DLG2: variants seen among roughly 807,000 people sequenced by gnomAD.
DLG2 encodes disks large homolog 2.
In DLG2, 45 loss-of-function variants were observed where a neutral mutation model predicts 132.5. The ratio of observed to expected loss-of-function variants is 0.34; its 90% CI spans 0.27 to 0.44. The LOEUF is 0.44. Among genes scored for constraint, DLG2 ranks in the 20% least tolerant of loss-of-function variants. The probability of loss-of-function intolerance (pLI) is 1.00; values close to 1 mark genes in which losing one functional copy is unlikely to be tolerated. For missense variants in DLG2, 1,045 were observed against 1,196.9 expected, an observed-to-expected ratio of 0.87 and a Z score of 1.87; for synonymous variants, 424 against 419.6, an observed-to-expected ratio of 1.01 and a Z score of -0.13.
intron 18 of DLG2, among the ~76,000 whole-genome samples, chr11:83,688,770 C>A (rs2153613335): frequency 6.6e-6 from 1 of 152,274 alleles, no homozygotes; most frequent in South Asian, 2.1e-4. Flanking sequence ...AGCCTTCCTA[C>A]ATATAAGAGT....
chr11:83,887,963 G>A (rs56307559), intron 15 of DLG2, among the ~76,000 whole-genome samples: 4,908 of 138,194 alleles, frequency 0.036, 239 homozygotes, highest in Middle Eastern at 0.096. Flanking sequence ...AATAATAAGA[G>A]CTATCTATGA....
chr11:84,044,611 A>G (rs186258920), intron 11 of DLG2, among the ~76,000 whole-genome samples: 22 of 151,746 alleles, frequency 1.4e-4, no homozygotes, highest in African/African-American at 5.1e-4. Flanking sequence ...AGCTTTTGAG[A>G]TTTTGTTAAA....
chr11:84,848,879 G>A (rs958229168), intron 6 of DLG2, among the ~76,000 whole-genome samples: 18 of 152,232 alleles, frequency 1.2e-4, no homozygotes, highest in African/African-American at 2.4e-5. Context: ...ACCCTTATGC[G>A]GTCCCTTTTT....
At chr11:84,280,720 C>T (rs372660516) in intron 7 of DLG2, among the ~76,000 whole-genome samples, 44 of 151,852 alleles carry the variant, frequency 2.9e-4, no homozygotes, top group African/African-American at 8.2e-4. Context: ...TTTTTTGAGA[C>T]GGAGTCTCAC....
intron 10 of DLG2, among the ~76,000 whole-genome samples, chr11:84,086,175 T>C (rs565330356): frequency 6.6e-6 from 1 of 152,286 alleles, no homozygotes; most frequent in African/African-American, 2.4e-5. Flanking sequence ...TTTAACAGAT[T>C]CAAGAACTTG....
chr11:83,576,103 T>C (rs530791974), intron 19 of DLG2, among the ~76,000 whole-genome samples: 3 of 152,082 alleles, frequency 2.0e-5, no homozygotes, highest in African/African-American at 4.8e-5. Context: ...AACTACAATG[T>C]TGAAAATGAA....
intron 19 of DLG2, among the ~76,000 whole-genome samples, chr11:83,596,968 G>T (rs576024497): frequency 6.6e-6 from 1 of 152,178 alleles, no homozygotes; most frequent in East Asian, 1.9e-4. Flanking sequence ...ACTGTCATCA[G>T]ATTTTTACCG....
At chr11:85,026,694 G>A (rs7122891) in intron 6 of DLG2, among the ~76,000 whole-genome samples, 2,978 of 151,934 alleles carry the variant, frequency 0.02, 108 homozygotes, top group African/African-American at 0.067. Context: ...CAAATTAGCC[G>A]GGCGTGGTGG....
At chr11:84,072,415 T>G (rs1442480881) in intron 10 of DLG2, among the ~76,000 whole-genome samples, 3 of 152,160 alleles carry the variant, frequency 2.0e-5, no homozygotes, top group African/African-American at 7.2e-5. Context: ...GCAAGAGAGA[T>G]AGGAAAAATG....
chr11:85,417,997 T>C (rs1196348153), intron 3 of DLG2, among the ~76,000 whole-genome samples: 1 of 152,156 alleles, frequency 6.6e-6, no homozygotes, highest in African/African-American at 2.4e-5. Context: ...ATTTGTTTTC[T>C]CTTGTTCTTC....
chr11:84,196,140 A>G (rs1175225879), intron 8 of DLG2, among the ~76,000 whole-genome samples: 1 of 152,244 alleles, frequency 6.6e-6, no homozygotes, highest in Non-Finnish European at 1.5e-5. Context: ...AATTTCAAGA[A>G]AGACTTCATT....
intron 3 of DLG2, among the ~76,000 whole-genome samples, chr11:85,588,977 G>A (rs544240071): frequency 4.6e-5 from 7 of 152,248 alleles, no homozygotes; most frequent in South Asian, 2.1e-4. Flanking sequence ...ACCAGGCTCC[G>A]AGCTGGTGCT....
chr11:85,160,060 C>G (rs1407713761), intron 4 of DLG2, among the ~76,000 whole-genome samples: 2 of 152,132 alleles, frequency 1.3e-5, no homozygotes, highest in African/African-American at 4.8e-5. Flanking sequence ...TGGTGTGGGG[C>G]CTGTCAAGAT....
At chr11:85,093,584 T>C (rs2069201737) in intron 6 of DLG2, among the ~76,000 whole-genome samples, 1 of 152,102 alleles carries the variant, frequency 6.6e-6, no homozygotes, top group East Asian at 1.9e-4. Flanking sequence ...CTCACAATCA[T>C]GGTGGAAGGT....
At chr11:84,909,606 A>G (rs1448691857) in intron 6 of DLG2, among the ~76,000 whole-genome samples, 1 of 152,190 alleles carries the variant, frequency 6.6e-6, no homozygotes, top group Non-Finnish European at 1.5e-5. Flanking sequence ...CTACGGCCCA[A>G]TTATGTACTA....
At chr11:83,463,625 CA>C (rs879578096) in intron 26 of DLG2, among the ~76,000 whole-genome samples, 2 of 152,032 alleles carry the variant, frequency 1.3e-5, no homozygotes, top group Admixed American at 6.5e-5. Flanking sequence ...CCTGTCTCCA[CA>C]AAAAAAATAC....
At chr11:85,021,288 C>T (rs762098585) in intron 6 of DLG2, 3 of 1,270,766 alleles carry the variant, frequency 2.4e-6, no homozygotes, top group African/African-American at 1.5e-5. Flanking sequence ...GACTGTACAT[C>T]CTATCATAAT....
intron 14 of DLG2, among the ~76,000 whole-genome samples, chr11:83,934,066 G>T (rs1227431514): frequency 6.6e-6 from 1 of 152,220 alleles, no homozygotes; most frequent in Non-Finnish European, 1.5e-5. Context: ...CATTCTTACA[G>T]CAGGGTTATG....
intron 6 of DLG2, among the ~76,000 whole-genome samples, chr11:84,849,619 T>C (rs567822920): frequency 1.6e-4 from 24 of 152,274 alleles, no homozygotes; most frequent in Middle Eastern, 6.8e-3. Context: ...GCACAACTGG[T>C]TCCTTCTTAC....
Sources: gnomAD v4.1 joint callset for allele counts (sites outside exome capture counted in the v4.1 genomes callset) on GRCh38, gnomAD v4.1.1 for gene constraint, MANE v1.5 for transcripts, NCBI Gene and HGNC (gene_info 2026-07-23, HGNC 2026-07-21) for gene names.